Variants in VNN2 observed in about 807,000 individuals in gnomAD.
The protein encoded by VNN2 is vanin 2, also known as pantetheine hydrolase VNN2.
A neutral mutation model predicts 43.0 loss-of-function variants in VNN2; 43 were observed. The observed-to-expected ratio is 1.00, with a 90% CI of 0.78 to 1.29. The LOEUF (loss-of-function observed/expected upper bound fraction) is 1.29. Among genes scored for constraint, VNN2 ranks in the 50% most tolerant of loss-of-function variants. VNN2 has a pLI of 0.00. For synonymous variants in VNN2, 230 were observed against 224.3 expected, an observed-to-expected ratio of 1.03 and a Z score of -0.23; for missense variants, 652 against 619.7, an observed-to-expected ratio of 1.05 and a Z score of -0.55.
upstream of VNN2, chr6:132,758,041 T>TCTTCTTCTTCTTCTTCTTCTTC (rs1554219567): frequency 8.1e-5 from 20 of 247,726 alleles, 1 homozygote; most frequent in African/African-American, 6.9e-4. Flanking sequence ...TTCTTCTTCT[T>TCTTCTTCTTCTTCTTCTTCTTC]TTTTTTTTTT....
chr6:132,751,295 T>C lies in VNN2; in HGVS notation c.1050A>G (p.Glu350=), dbSNP rs33961621. ...TAAGGTTTCCTGCATTTTCAAAAAG[T>C]TCTGTGAAGTTGAACCCATCCCTGG... is the stretch of plus-strand genomic sequence containing the variant. ...FISRDGFNFT[E]LFENAGNLTV... The change falls in exon 5 of 7, where the codon GAA becomes GAG. Residue 350 remains glutamate, a synonymous_variant. Transcript: ENST00000326499. 3,485 of 1,614,130 alleles carry C rather than the reference T, an allele frequency of 2.2e-3. 48 individuals carry two copies. The African/African-American group carries it at 0.035, about 16-fold the overall frequency.
chr6:132,761,220 A>G (rs2114644166), upstream of VNN2, among the ~76,000 whole-genome samples: 1 of 152,298 alleles, frequency 6.6e-6, no homozygotes, highest in African/African-American at 2.4e-5. Context: ...TTATTTTGCC[A>G]CAGGGAACAT....
intron 3 of VNN2, among the ~76,000 whole-genome samples, chr6:132,755,503 A>G (rs1780408163): frequency 6.6e-6 from 1 of 150,550 alleles, no homozygotes; most frequent in South Asian, 2.1e-4. Flanking sequence ...GCTCCCACAT[A>G]GCTGGGACTA....
chr6:132,747,481 G>A (rs773168426), intron 6 of VNN2, among the ~76,000 whole-genome samples: 5 of 152,170 alleles, frequency 3.3e-5, no homozygotes, highest in East Asian at 3.9e-4. Flanking sequence ...GCTGGGCGTG[G>A]TGGCATGCAC....
chr6:132,758,000 T>TTTCTTCTTCTTCTTC (rs60545394), upstream of VNN2: 869 of 341,602 alleles, frequency 2.5e-3, 52 homozygotes, highest in South Asian at 5.3e-3. Flanking sequence ...TATCATCATT[T>TTTCTTCTTCTTCTTC]TTCTTCTTCT....
Position 132,750,628 on chromosome 6 carries a change from C to T in VNN2, c.1200+517G>A, listed in dbSNP as rs1180179078. 2.1e-5 allele frequency among the ~76,000 whole-genome samples: 3 copies of T among 144,808 alleles called. No individual in the cohort carries two copies. In the Admixed American group the frequency reaches 2.1e-4, roughly 10 times the overall value. The allele number at this position is 144,808 out of a possible 152,430, so 95.0% of individuals were successfully genotyped here. ...GTAGTGAGCCGAGATCATGCTACTG[C>T]ACTCTAGCCAGGGTGACAGAGTGAA... On this transcript the variant is annotated intron_variant, in intron 5 of 6. Coordinates refer to ENST00000326499, the MANE Select transcript of VNN2 (RefSeq NM_004665.6).
upstream of VNN2, among the ~76,000 whole-genome samples, chr6:132,761,412 C>A (rs2114644735): frequency 6.6e-6 from 1 of 150,706 alleles, no homozygotes; most frequent in East Asian, 1.9e-4. Flanking sequence ...GTAATCCCTG[C>A]ACTTTGGGAG....
At chr6:132,744,567 ATC>A in intron 6 of VNN2, 76 bp from the exon 7 acceptor site, 1 of 1,384,398 alleles carries the variant, frequency 7.2e-7, no homozygotes, top group East Asian at 2.5e-5. Flanking sequence ...TTTTGAAACC[ATC>A]CTAGATATAA....
At position 132,745,796 on chromosome 6, in the gene VNN2, A is replaced by G. The variant is rs915458081; in HGVS notation, c.1372-1305T>C. Among the ~76,000 whole-genome samples, 11 of 152,224 alleles carry G rather than the reference A, an allele frequency of 7.2e-5. No homozygotes were observed. The East Asian group carries it at 9.6e-4, about 13-fold the overall frequency. On this transcript the variant is annotated intron_variant, in intron 6 of 6. Transcript: ENST00000326499. ...AGAGGAATATGTACAAAGCAATTGAACAAGAACAGAAGGAAACATGCATAG... is the reference window on the plus strand; with the variant it reads ...AGAGGAATATGTACAAAGCAATTGAGCAAGAACAGAAGGAAACATGCATAG...
chr6:132,752,247 A>G (rs1406749953), intron 4 of VNN2, among the ~76,000 whole-genome samples: 1 of 152,206 alleles, frequency 6.6e-6, no homozygotes, highest in Non-Finnish European at 1.5e-5. Context: ...TCTATCTCAT[A>G]TAATTATTGT....
At position 132,755,978 on chromosome 6, in the gene VNN2, G is replaced by C. The variant is rs571654710; in HGVS notation, c.402C>G (p.Ile134Met). ...RLSCLAKDNS[I>M]YVLANLGDKK... ...TGTCCCCCAAATTTGCCAAGACATA[G>C]ATAGAGTTGTCCTTGGCCAGGCAGC... Residue 134 changes from isoleucine (I) to methionine (M), a missense_variant, in exon 3 of 7, where the codon ATC becomes ATG. Transcript: ENST00000326499. 1.1e-5 allele frequency: 17 copies of C among 1,614,182 alleles called. No homozygotes were observed. The highest frequency in any genetic ancestry group is 1.4e-5 in the Non-Finnish European group (16 of 1,180,024).
At chr6:132,762,686 T>C (rs1780765435), upstream of VNN2, among the ~76,000 whole-genome samples, 2 of 152,152 alleles carry the variant, frequency 1.3e-5, no homozygotes, top group South Asian at 2.1e-4. Flanking sequence ...ATGCTTCAGA[T>C]AGCTAATGAA....
upstream of VNN2, among the ~76,000 whole-genome samples, chr6:132,762,326 A>G (rs1780757782): frequency 6.6e-6 from 1 of 152,212 alleles, no homozygotes; most frequent in Admixed American, 6.5e-5. Flanking sequence ...GGGAAATATC[A>G]TGTATTATTA....
At chr6:132,758,040 T>TA (rs1554219614), upstream of VNN2, 5,945 of 185,178 alleles carry the variant, frequency 0.032, 366 homozygotes, top group Middle Eastern at 0.059. Flanking sequence ...CTTCTTCTTC[T>TA]TTTTTTTTTT....
chr6:132,761,812 G>C (rs1031686932), upstream of VNN2, among the ~76,000 whole-genome samples: 1 of 152,084 alleles, frequency 6.6e-6, no homozygotes, highest in Non-Finnish European at 1.5e-5. Context: ...ACTTTCTCAA[G>C]AGTAAGCATA....
At position 132,744,956 on chromosome 6, in the gene VNN2, GA is replaced by G. The variant is rs1295005752; in HGVS notation, c.1372-466del. Among the ~76,000 whole-genome samples the G allele has an allele frequency of 2.0e-4, 30 of 152,186 alleles. 1 individual carries two copies. The highest frequency in any genetic ancestry group is 2.0e-3 in the Admixed American group (30 of 15,276). ...TGAACTGGTCTGTTTCACGGAGTGG[GA>G]CACAAGCTGCCAAAAACTCAAGCTG... is the stretch of plus-strand genomic sequence containing the variant. On this transcript the variant is annotated intron_variant, in intron 6 of 6. Coordinates refer to ENST00000326499, the MANE Select transcript of VNN2 (RefSeq NM_004665.6).
chr6:132,749,684 AG>A lies in VNN2; in HGVS notation c.1371+10del, dbSNP rs745752992. On this transcript the variant is annotated intron_variant, in intron 6 of 6. Coordinates refer to ENST00000326499, the MANE Select transcript of VNN2 (RefSeq NM_004665.6). Reference sequence around the variant, plus strand: ...TATAAAATGAAAATACTCTTATAAAAGTCCTCTTACCTCAAATTTTCCAGGT... The same window carrying A: ...TATAAAATGAAAATACTCTTATAAAATCCTCTTACCTCAAATTTTCCAGGT... 7 of 1,606,956 alleles carry A rather than the reference AG, an allele frequency of 4.4e-6. No homozygotes were observed. The highest frequency in any genetic ancestry group is 1.1e-5 in the South Asian group (1 of 90,320).
At chr6:132,747,476 G>A (rs1452816358) in intron 6 of VNN2, among the ~76,000 whole-genome samples, 2 of 152,038 alleles carry the variant, frequency 1.3e-5, no homozygotes, top group East Asian at 3.9e-4. Context: ...AAGTAGCTGG[G>A]CGTGGTGGCA....
At chr6:132,746,693 A>C (rs1779738408) in intron 6 of VNN2, among the ~76,000 whole-genome samples, 1 of 152,126 alleles carries the variant, frequency 6.6e-6, no homozygotes, top group Non-Finnish European at 1.5e-5. Context: ...TTTTGTTTTA[A>C]TTCTGCACTC....
Sources: allele counts gnomAD v4.1 joint callset (sites outside exome capture counted in the v4.1 genomes callset), GRCh38; gene constraint gnomAD v4.1.1; transcripts MANE v1.5; gene names NCBI Gene and HGNC (gene_info 2026-07-23, HGNC 2026-07-21).